The following SPECC1L variants were observed in gnomAD, a reference collection of about 807,000 sequenced individuals.
SPECC1L encodes sperm antigen with calponin homology and coiled-coil domains 1 like, also known as cytospin-A.
In SPECC1L, 40 loss-of-function variants were observed where a neutral mutation model predicts 116.8. The observed-to-expected ratio is 0.34, with a 90% CI of 0.27 to 0.45. The LOEUF (loss-of-function observed/expected upper bound fraction) is 0.45. Among genes scored for constraint, SPECC1L ranks in the 20% least tolerant of loss-of-function variants. SPECC1L has a pLI of 1.00. For synonymous variants in SPECC1L, 504 were observed against 500.6 expected, an observed-to-expected ratio of 1.01 and a Z score of -0.09; for missense variants, 1,110 against 1,373.6, an observed-to-expected ratio of 0.81 and a Z score of 3.03.
intron 3 of SPECC1L, among the ~76,000 whole-genome samples, chr22:24,310,073 T>A (rs917945144): frequency 3.3e-5 from 5 of 152,204 alleles, no homozygotes; most frequent in Non-Finnish European, 2.9e-5. Context: ...CAAATACACA[T>A]TTTTTATTTC....
chr22:24,407,340 G>A (rs1056509854), intron 14 of SPECC1L, among the ~76,000 whole-genome samples: 1 of 152,242 alleles, frequency 6.6e-6, no homozygotes, highest in Non-Finnish European at 1.5e-5. Context: ...GGTTCCAGGT[G>A]GGGCGGGGGT....
chr22:24,282,920 G>C (rs1015750721), intron 2 of SPECC1L, among the ~76,000 whole-genome samples: 4 of 151,862 alleles, frequency 2.6e-5, no homozygotes, highest in Non-Finnish European at 5.9e-5. Context: ...TGTGATTACA[G>C]GTGTGCACCA....
At chr22:24,354,330 T>C (rs761437907) in intron 11 of SPECC1L, among the ~76,000 whole-genome samples, 6 of 152,254 alleles carry the variant, frequency 3.9e-5, no homozygotes, top group East Asian at 1.9e-4. Context: ...ACAACAGTTA[T>C]TACCGTGGTG....
chr22:24,328,578 G>C (rs946070789), intron 6 of SPECC1L, among the ~76,000 whole-genome samples: 1 of 152,028 alleles, frequency 6.6e-6, no homozygotes, highest in Non-Finnish European at 1.5e-5. Flanking sequence ...AATTTCTAAC[G>C]GTTTTACTTT....
chr22:24,362,622 C>T (rs1315063078), intron 11 of SPECC1L, among the ~76,000 whole-genome samples: 1 of 152,150 alleles, frequency 6.6e-6, no homozygotes, highest in Non-Finnish European at 1.5e-5. Flanking sequence ...TCCACATACC[C>T]CATGTTTTAG....
intron 16 of SPECC1L, among the ~76,000 whole-genome samples, chr22:24,414,202 TC>T (rs1173831051): frequency 6.6e-6 from 1 of 151,792 alleles, no homozygotes; most frequent in Non-Finnish European, 1.5e-5. Context: ...CTCAGAAGGG[TC>T]CCCCAAGGAG....
At chr22:24,412,594 G>A (rs188268948) in intron 15 of SPECC1L, 54 bp from the exon 16 acceptor site, 74 of 1,578,360 alleles carry the variant, frequency 4.7e-5, no homozygotes, top group Non-Finnish European at 6.0e-5. Flanking sequence ...TGGAGGCCAC[G>A]TGACTTTCTC....
intron 10 of SPECC1L, among the ~76,000 whole-genome samples, chr22:24,345,729 A>G (rs1368094626): frequency 6.6e-6 from 1 of 152,212 alleles, no homozygotes; most frequent in Non-Finnish European, 1.5e-5. Flanking sequence ...ATATTCTTCC[A>G]AATGGCCAAA....
chr22:24,322,834 A>G lies in SPECC1L; in HGVS notation c.1854A>G (p.Lys618=), dbSNP rs1208928620. The part of the protein sequence containing the change: ...LLESVRLDKE[K]AETLASSLQE... Reference sequence around the variant, plus strand: ...AGAGTGTCAGGCTGGACAAAGAAAAAGCAGAGACTTTGGCTAGTAGCTTGC... The same window carrying G: ...AGAGTGTCAGGCTGGACAAAGAAAAGGCAGAGACTTTGGCTAGTAGCTTGC... Residue 618 remains lysine, a synonymous_variant, in exon 5 of 17, where the codon AAA becomes AAG. Coordinates refer to ENST00000314328, the MANE Select transcript of SPECC1L (RefSeq NM_015330.6). The G allele has an allele frequency of 1.9e-6, 3 of 1,610,846 alleles. No individual in the cohort carries two copies. The South Asian group carries it at 3.3e-5, about 18-fold the overall frequency.
intron 6 of SPECC1L, among the ~76,000 whole-genome samples, chr22:24,327,384 G>A (rs1004373435): frequency 6.6e-5 from 10 of 151,960 alleles, no homozygotes; most frequent in African/African-American, 2.2e-4. Context: ...AGTGGAACAG[G>A]GGTAAAGAAG....
At chr22:24,362,744 C>T (rs1303451903) in intron 11 of SPECC1L, among the ~76,000 whole-genome samples, 2 of 152,190 alleles carry the variant, frequency 1.3e-5, no homozygotes, top group East Asian at 3.9e-4. Flanking sequence ...AGCTTAATGT[C>T]ATTGGTTTTT....
intron 3 of SPECC1L, among the ~76,000 whole-genome samples, chr22:24,305,070 A>G (rs1250606634): frequency 2.0e-5 from 3 of 152,222 alleles, no homozygotes. Context: ...TTTGTAGCAA[A>G]AATTAAAAGA....
chr22:24,369,444 A>C (rs1167315774), intron 14 of SPECC1L, 124 bp downstream of exon 14: 2 of 761,442 alleles, frequency 2.6e-6, no homozygotes, highest in African/African-American at 3.4e-5. Context: ...GATCACACCT[A>C]TAATCCTAAC....
intron 2 of SPECC1L, among the ~76,000 whole-genome samples, chr22:24,301,959 T>C (rs976418303): frequency 1.5e-4 from 23 of 151,216 alleles, no homozygotes; most frequent in African/African-American, 5.6e-4. Flanking sequence ...GGCAGGAGAA[T>C]GGTGTGAACC....
chr22:24,402,194 G>T (rs1483301298), intron 14 of SPECC1L, among the ~76,000 whole-genome samples: 4 of 136,762 alleles, frequency 2.9e-5, no homozygotes, highest in Non-Finnish European at 6.2e-5. Flanking sequence ...GCAGAGATTG[G>T]CCCTGCTTCA....
intron 4 of SPECC1L, among the ~76,000 whole-genome samples, chr22:24,318,048 A>G (rs2040636538): frequency 6.9e-6 from 1 of 145,616 alleles, no homozygotes; most frequent in Non-Finnish European, 1.5e-5. Context: ...CTGGGCAGCC[A>G]GGCAGAGGGG....
chr22:24,329,676 G>A (rs1215669599), intron 7 of SPECC1L, among the ~76,000 whole-genome samples: 3 of 152,158 alleles, frequency 2.0e-5, no homozygotes, highest in Admixed American at 1.3e-4. Flanking sequence ...GGCCACACCC[G>A]CATCCTCCAT....
intron 10 of SPECC1L, among the ~76,000 whole-genome samples, chr22:24,343,131 T>C (rs1050761232): frequency 2.0e-5 from 3 of 151,850 alleles, no homozygotes; most frequent in African/African-American, 7.3e-5. Flanking sequence ...GAGGCAGAGG[T>C]TGCAGTGAGC....
In SPECC1L at chr22:24,276,722, T is replaced by G. The variant is rs1051462426; in HGVS notation, c.-119T>G. On this transcript the variant is annotated 5_prime_UTR_variant, in exon 2 of 17. Transcript: ENST00000314328. ...TAGTGTTCTTGGGGAAGATCCCGAC[T>G]AAGCCATTTTCCAGTGGCACCTCTT... The G allele has an allele frequency of 4.4e-6, 2 of 452,866 alleles. No homozygotes were observed. The highest frequency in any genetic ancestry group is 4.0e-5 in the African/African-American group (2 of 49,940). The allele number at this position is 452,866 out of a possible 1,614,324, so 28.1% of individuals were successfully genotyped here.
Sources: gnomAD v4.1 joint callset for allele counts (sites outside exome capture counted in the v4.1 genomes callset) on GRCh38, gnomAD v4.1.1 for gene constraint, MANE v1.5 for transcripts, NCBI Gene and HGNC (gene_info 2026-07-23, HGNC 2026-07-21) for gene names.